Variants in OTUD5 observed in about 807,000 individuals in gnomAD.
OTUD5 encodes OTU domain-containing protein 5.
A neutral mutation model predicts 36.3 loss-of-function variants in OTUD5; 2 were observed. The ratio of observed to expected loss-of-function variants is 0.06; its 90% CI spans 0.02 to 0.17. The LOEUF (loss-of-function observed/expected upper bound fraction) is 0.17. Among genes scored for constraint, OTUD5 ranks in the 10% least tolerant of loss-of-function variants. OTUD5 has a pLI of 1.00. For missense variants in OTUD5, 233 were observed against 512.3 expected (o/e 0.45, Z 5.26); for synonymous variants, 234 against 214.9 (o/e 1.09, Z -0.78).
At chrX:48,951,646 C>T (rs782104725) in intron 1 of OTUD5, among the ~76,000 whole-genome samples, 10 of 110,251 alleles carry the variant, frequency 9.1e-5, no homozygotes, top group Non-Finnish European at 1.3e-4. Flanking sequence ...ACCCATCCAA[C>T]GAGGAACATA....
At chrX:48,934,018 G>A (rs927070871) in intron 5 of OTUD5, among the ~76,000 whole-genome samples, 1 of 111,875 alleles carries the variant, frequency 8.9e-6, no homozygotes, top group Non-Finnish European at 1.9e-5. Context: ...GGTGCTTTCT[G>A]TATCAGCCAA....
chrX:48,924,098 A>C, intron 6 of OTUD5, 46 bp from the exon 7 acceptor site: 1 of 1,111,832 alleles, frequency 9.0e-7, no homozygotes, highest in Non-Finnish European at 1.2e-6. Flanking sequence ...AGCAGCCATG[A>C]CCTTCTTGTG....
chrX:48,923,584 C>T (rs199600006), intron 8 of OTUD5, 49 bp downstream of exon 8: 1 of 940,518 alleles, frequency 1.1e-6, no homozygotes, highest in Non-Finnish European at 1.5e-6. Context: ...TTCTTCCAGT[C>T]TCTCCCAGCT....
intron 1 of OTUD5, among the ~76,000 whole-genome samples, 170 bp downstream of exon 1, chrX:48,956,807 G>A (rs1451180769): frequency 9.0e-6 from 1 of 111,192 alleles, no homozygotes; most frequent in East Asian, 2.8e-4. Context: ...CCAAAATCCT[G>A]GAGGGGAGGA....
intron 2 of OTUD5, chrX:48,940,001 G>A (rs1453583352): frequency 8.8e-6 from 1 of 114,270 alleles, no homozygotes; most frequent in Non-Finnish European, 1.9e-5. Context: ...CAGCTGCAGA[G>A]GGAGACAGGG....
At chrX:48,957,883 T>C, upstream of OTUD5, 1 of 696,344 alleles carries the variant, frequency 1.4e-6, no homozygotes, top group Non-Finnish European at 1.7e-6. Context: ...GGCCTTCTGC[T>C]TCAAAGGAAA....
At chrX:48,937,499 T>G (rs2063847132) in intron 2 of OTUD5, among the ~76,000 whole-genome samples, 1 of 112,062 alleles carries the variant, frequency 8.9e-6, no homozygotes, top group Admixed American at 9.4e-5. Context: ...AAGAGCTAGA[T>G]GCCAGATGCA....
chrX:48,942,299 T>TACACACACACACACACACAC lies in OTUD5; in HGVS notation c.688+1871_688+1890dup, dbSNP rs61325018. On this transcript the variant is annotated intron_variant, in intron 2 of 8. Coordinates refer to ENST00000376488, the MANE Select transcript of OTUD5 (RefSeq NM_001136157.2). ...CACACACAGAGAACAGCTAGCTAGA[T>TACACACACACACACACACAC]ACACACACACACACACACACACACA... Among the ~76,000 whole-genome samples the TACACACACACACACACACAC allele has an allele frequency of 5.1e-4, 28 of 55,013 alleles. 1 individual carries two copies. Among genetic ancestry groups the TACACACACACACACACACAC allele is most frequent in the Non-Finnish European group, 8.4e-4 (24 of 28,725 alleles). 47.8% of individuals were successfully genotyped at this position (55,013 alleles called of 115,157 possible). A position where few individuals can be genotyped will look rare whatever the true frequency, so the allele number is the denominator to read the frequency against.
intron 1 of OTUD5, among the ~76,000 whole-genome samples, chrX:48,953,017 C>T (rs782373049): frequency 8.9e-6 from 1 of 112,169 alleles, no homozygotes; most frequent in South Asian, 3.6e-4. Context: ...GTCAGACACA[C>T]CTGGGCATGG....
chrX:48,929,968 G>A (rs1557048500), intron 5 of OTUD5, among the ~76,000 whole-genome samples: 2 of 109,423 alleles, frequency 1.8e-5, no homozygotes, highest in East Asian at 5.8e-4. Context: ...GCCAGGTGTG[G>A]TGGCAGGCAC....
intron 2 of OTUD5, among the ~76,000 whole-genome samples, chrX:48,941,176 T>C (rs2063913082): frequency 9.0e-6 from 1 of 111,026 alleles, no homozygotes; most frequent in African/African-American, 3.3e-5. Context: ...CTCATGCCTA[T>C]AATCCCAACA....
intron 5 of OTUD5, among the ~76,000 whole-genome samples, chrX:48,932,725 C>T (rs2063773944): frequency 9.0e-6 from 1 of 111,094 alleles, no homozygotes; most frequent in Admixed American, 9.6e-5. Context: ...ACAAGGATCA[C>T]TTGAGCCCAA....
rs1386403440 is a variant in OTUD5 at position 48,935,435 on chromosome X, G to C, written c.689-417C>G. Among the ~76,000 whole-genome samples the C allele has an allele frequency of 4.5e-5, 5 of 110,965 alleles. No individual in the cohort carries two copies. In the East Asian group the frequency reaches 8.4e-4, roughly 19 times the overall value. Reference sequence around the variant, plus strand: ...CCAAGGTCACAAAGAGTCAGTCTGTGACAGAGTCAACTCTGAATTCAGTTT... The same window carrying C: ...CCAAGGTCACAAAGAGTCAGTCTGTCACAGAGTCAACTCTGAATTCAGTTT... On this transcript the variant is annotated intron_variant, in intron 2 of 8. Transcript: ENST00000376488.
At chrX:48,957,667 G>A (rs1278917795), upstream of OTUD5, 4 of 786,093 alleles carry the variant, frequency 5.1e-6, no homozygotes, top group Non-Finnish European at 6.1e-6. Context: ...GGCACGACGG[G>A]AACGGCGAGA....
At chrX:48,950,360 A>G (rs949208764) in intron 1 of OTUD5, among the ~76,000 whole-genome samples, 5 of 109,198 alleles carry the variant, frequency 4.6e-5, no homozygotes, top group African/African-American at 1.7e-4. Flanking sequence ...CAGAGATTAG[A>G]ATGATGCAGT....
chrX:48,950,537 C>CTTT (rs781905691), intron 1 of OTUD5, among the ~76,000 whole-genome samples: 69 of 83,044 alleles, frequency 8.3e-4, no homozygotes, highest in Non-Finnish European at 1.0e-3. Flanking sequence ...TTCTCTCTCT[C>CTTT]TTTTTTTTTT....
In OTUD5 at chrX:48,944,296, G is replaced by C. The variant is rs375404510; in HGVS notation, c.595-13C>G. 1 of 1,126,811 alleles carries C rather than the reference G, an allele frequency of 8.9e-7. No individual in the cohort carries two copies. The highest frequency in any genetic ancestry group is 1.8e-5 in the African/African-American group (1 of 55,124). 92.9% of individuals were successfully genotyped at this position (1,126,811 alleles called of 1,213,427 possible). On this transcript the variant is annotated splice_polypyrimidine_tract_variant and intron_variant, in intron 1 of 8. Transcript: ENST00000376488. ...ACCAATGCTCCTGCTGGAGGGAAGA[G>C]GTGGGGGTCAGCAACAGGGAAAACC...
intron 2 of OTUD5, among the ~76,000 whole-genome samples, chrX:48,942,299 T>TACACACACACACACAC (rs61325018): frequency 3.4e-3 from 187 of 55,012 alleles, no homozygotes; most frequent in Non-Finnish European, 5.0e-3. Context: ...GCTAGCTAGA[T>TACACACACACACACAC]ACACACACAC....
intron 2 of OTUD5, among the ~76,000 whole-genome samples, chrX:48,941,007 G>C (rs1557050886): frequency 9.0e-6 from 1 of 111,491 alleles, no homozygotes; most frequent in African/African-American, 3.3e-5. Context: ...CCTGCCTCAA[G>C]ACTCCCAACA....
Sources: allele counts gnomAD v4.1 joint callset (sites outside exome capture counted in the v4.1 genomes callset), GRCh38; gene constraint gnomAD v4.1.1; transcripts MANE v1.5; gene names NCBI Gene and HGNC (gene_info 2026-07-23, HGNC 2026-07-21).